Variants in NLRP6 observed in about 807,000 individuals in gnomAD.
NLRP6 encodes NACHT, LRR and PYD domains-containing protein 6.
A neutral mutation model predicts 70.9 loss-of-function variants in NLRP6; 55 were observed. The observed-to-expected ratio is 0.78, with a 90% CI of 0.62 to 0.97. The LOEUF (loss-of-function observed/expected upper bound fraction) is 0.97, where lower values mean the gene tolerates loss of function less well. Among genes scored for constraint, NLRP6 ranks in the 50% least tolerant of loss-of-function variants. NLRP6 has a pLI of 0.00. For synonymous variants in NLRP6, 652 were observed against 581.9 expected (o/e 1.12, Z -1.73); for missense variants, 1,241 against 1,238.3 (o/e 1.00, Z -0.03).
chr11:279,348 G>A lies in NLRP6; in HGVS notation c.51G>A (p.Val17=). The A allele has an allele frequency of 7.7e-7, 1 of 1,290,954 alleles. No individual in the cohort carries two copies. The highest frequency in any genetic ancestry group is 9.8e-7 in the Non-Finnish European group (1 of 1,018,910). The allele number at this position is 1,290,954 out of a possible 1,614,324, so 80.0% of individuals were successfully genotyped here. The change falls in exon 2 of 8, where the codon GTG becomes GTA. Residue 17 remains valine (V), a synonymous_variant. Transcript: ENST00000534750. ...PCSSTGPRLA[V]ARELLLAALE... ...CCAGCACGGGGCCGCGCCTCGCGGTGGCCCGCGAGCTGCTCCTGGCTGCGC... is the reference window on the plus strand; with the variant it reads ...CCAGCACGGGGCCGCGCCTCGCGGTAGCCCGCGAGCTGCTCCTGGCTGCGC...
In NLRP6 at chr11:279,835, G is replaced by A; in HGVS notation, c.312G>A (p.Arg104=). ...AAQLQERRLQ[R]LGLGSGTLLS... ...ACCTCACCCCAGTTTCCCTTCCAGG[G>A]CTCGGGCTCGGCTCCGGGACGCTGC... The change falls in exon 3 of 8, where the codon CGG becomes CGA. Residue 104 remains arginine (R), a splice_region_variant and synonymous_variant. Coordinates refer to ENST00000534750, the MANE Select transcript of NLRP6 (RefSeq NM_001276700.2). The A allele has an allele frequency of 1.9e-6, 3 of 1,576,562 alleles. No individual in the cohort carries two copies. In the South Asian group the frequency reaches 3.5e-5, roughly 18 times the overall value.
At position 280,353 on chromosome 11, in the gene NLRP6, G is replaced by T; in HGVS notation, c.619G>T (p.Gly207Cys). 6.5e-7 allele frequency: 1 copy of T among 1,530,818 alleles called. No homozygotes were observed. Among genetic ancestry groups the T allele is most frequent in the Non-Finnish European group, 8.8e-7 (1 of 1,142,076 alleles). The allele number at this position is 1,530,818 out of a possible 1,614,324, so 94.8% of individuals were successfully genotyped here. The change falls in exon 4 of 8, where the codon GGC (glycine) becomes TGC (cysteine). Residue 207 changes from glycine to cysteine, a missense_variant. Coordinates refer to ENST00000534750, the MANE Select transcript of NLRP6 (RefSeq NM_001276700.2). ...GGTGCTGCAGGGCCCGGCGGGCATC[G>T]GCAAGACCATGGCGGCCAAAAAGAT... Reference protein sequence around the residue: ...TVVLQGPAGIGKTMAAKKILY... With the variant: ...TVVLQGPAGICKTMAAKKILY...
Position 281,492 on chromosome 11 carries a change from C to A in NLRP6, c.1758C>A (p.Cys586Ter). 5.6e-6 allele frequency: 9 copies of A among 1,597,624 alleles called. No homozygotes were observed. Among genetic ancestry groups the A allele is most frequent in the South Asian group, 1.1e-5 (1 of 88,734 alleles). Residue 586 changes from cysteine (C) to a stop codon, truncating the protein, a stop_gained, in exon 4 of 8, where the codon TGC becomes TGA. Coordinates refer to ENST00000534750, the MANE Select transcript of NLRP6 (RefSeq NM_001276700.2). LOFTEE classifies it high-confidence loss of function. ...GGGTGCAGGGACAGGGACAGGGCTGCCCCGGAGTGGCACCAGAGGTGACCG... is the reference window on the plus strand; with the variant it reads ...GGGTGCAGGGACAGGGACAGGGCTGACCCGGAGTGGCACCAGAGGTGACCG... ...LRWVQGQGQG[C>*]PGVAPEVTEG... is the part of the protein sequence containing the mutation.
Position 285,274 on chromosome 11 carries a change from A to G in NLRP6, c.2646A>G (p.Gln882=), listed in dbSNP as rs370147301. 5.0e-6 allele frequency: 8 copies of G among 1,608,772 alleles called. No individual in the cohort carries two copies. In the African/African-American group the frequency reaches 6.7e-5, roughly 13 times the overall value. Reference sequence around the variant, plus strand: ...ACCCAGCGCTGGACGGCCACCCACAACCTCCCAAGGAACTCATCTCGACCT... The same window carrying G: ...ACCCAGCGCTGGACGGCCACCCACAGCCTCCCAAGGAACTCATCTCGACCT... The part of the protein sequence containing the change: ...ITHPALDGHP[Q]PPKELISTF The change falls in exon 8 of 8, where the codon CAA becomes CAG. Residue 882 remains glutamine, a synonymous_variant. Coordinates refer to ENST00000534750, the MANE Select transcript of NLRP6 (RefSeq NM_001276700.2).
At position 280,140 on chromosome 11, in the gene NLRP6, A is replaced by C; in HGVS notation, c.406A>C (p.Arg136=). 1 of 1,548,610 alleles carries C rather than the reference A, an allele frequency of 6.5e-7. No homozygotes were observed. ...VLQLHARVKE[R]NARSVKITKR... ...GCAGCTGCACGCTCGGGTGAAGGAGAGGAACGCCCGCTCCGTGAAGATCAC... is the reference window on the plus strand; with the variant it reads ...GCAGCTGCACGCTCGGGTGAAGGAGCGGAACGCCCGCTCCGTGAAGATCAC... Residue 136 remains arginine (R), a synonymous_variant, in exon 4 of 8, where the codon AGG becomes CGG. Transcript: ENST00000534750.
Position 280,649 on chromosome 11 carries a change from G to C in NLRP6, c.915G>C (p.Ala305=). The change falls in exon 4 of 8, where the codon GCG becomes GCC. Residue 305 remains alanine (A), a synonymous_variant. Coordinates refer to ENST00000534750, the MANE Select transcript of NLRP6 (RefSeq NM_001276700.2). Reference sequence around the variant, plus strand: ...ACCCCTTCGAGGCGGCGAGCGGCGCGCGGGTGCTAGGCGGGCTGCTGAGCA... The same window carrying C: ...ACCCCTTCGAGGCGGCGAGCGGCGCCCGGGTGCTAGGCGGGCTGCTGAGCA... ...CTDPFEAASG[A]RVLGGLLSKA... 6.6e-7 allele frequency: 1 copy of C among 1,513,494 alleles called. No individual in the cohort carries two copies. Among genetic ancestry groups the C allele is most frequent in the Non-Finnish European group, 8.8e-7 (1 of 1,139,146 alleles). The allele number at this position is 1,513,494 out of a possible 1,614,324, so 93.8% of individuals were successfully genotyped here. A position where few individuals can be genotyped will look rare whatever the true frequency, so the allele number is the denominator to read the frequency against.
chr11:279,076 C>A, intron 1 of NLRP6: 1 of 379,098 alleles, frequency 2.6e-6, no homozygotes, highest in Non-Finnish European at 4.7e-6. Context: ...AGATCAGCGG[C>A]GGCCAGTGCC....
At chr11:284,434 C>T in intron 6 of NLRP6, 34 bp downstream of exon 6, 5 of 1,602,146 alleles carry the variant, frequency 3.1e-6, no homozygotes, top group Non-Finnish European at 4.3e-6. Flanking sequence ...CGTGGGATGC[C>T]CCCGCCACCC....
In NLRP6 at chr11:281,199, C is replaced by T; in HGVS notation, c.1465C>T (p.Leu489=). Residue 489 remains leucine (L), a synonymous_variant, in exon 4 of 8, where the codon CTG becomes TTG. Transcript: ENST00000534750. ...CAGCAAAAAGGAGCTGCCGGGCGTG[C>T]TGGAGACAGAGGTCACCTACCAGTT... ...FLSKKELPGV[L]ETEVTYQFID... 1 of 1,613,222 alleles carries T rather than the reference C, an allele frequency of 6.2e-7. No individual in the cohort carries two copies.
rs545729251 is a variant in NLRP6, at chr11:285,208, T to C, written c.2580T>C (p.Leu860=). 108 of 1,598,604 alleles carry C rather than the reference T, an allele frequency of 6.8e-5. No homozygotes were observed. Among genetic ancestry groups the C allele is most frequent in the Non-Finnish European group, 8.6e-5 (101 of 1,172,060 alleles). ...TGAGCGAGCAGTCACTACAGGAGCT[T>C]CAGGCTGTGAAGAGAGCAAAGCCGG... ...VELSEQSLQE[L]QAVKRAKPDL... Residue 860 remains leucine (L), a synonymous_variant, in exon 8 of 8, where the codon CTT becomes CTC. Transcript: ENST00000534750.
At position 280,706 on chromosome 11, in the gene NLRP6, G is replaced by C; in HGVS notation, c.972G>C (p.Val324=). Residue 324 remains valine (V), a synonymous_variant, in exon 4 of 8, where the codon GTG becomes GTC. Transcript: ENST00000534750. ...KALLPTALLL[V]TTRAAAPGRL... ...TGCTGCCCACGGCCCTCCTGCTGGT[G>C]ACCACGCGCGCCGCCGCCCCCGGGA... 1 of 1,571,520 alleles carries C rather than the reference G, an allele frequency of 6.4e-7. No individual in the cohort carries two copies. The highest frequency in any genetic ancestry group is 8.6e-7 in the Non-Finnish European group (1 of 1,161,108).
In NLRP6 at chr11:284,291, G is replaced by A; in HGVS notation, c.2260G>A (p.Ala754Thr). 2.5e-6 allele frequency: 4 copies of A among 1,612,702 alleles called. No homozygotes were observed. The highest frequency in any genetic ancestry group is 2.2e-5 in the South Asian group (2 of 91,082). Residue 754 changes from alanine (A) to threonine (T), a missense_variant, in exon 6 of 8, where the codon GCC becomes ACC. Transcript: ENST00000534750. ...AGACCTTTCTGAGGCCCTGAGGGCA[G>A]CCCCCGCACTGACGGAGCTGGGCCT... ...CRDLSEALRA[A>T]PALTELGLLH...
intron 5 of NLRP6, among the ~76,000 whole-genome samples, chr11:283,535 G>A (rs1012239057): frequency 1.3e-5 from 2 of 151,988 alleles, no homozygotes; most frequent in East Asian, 3.9e-4. Context: ...GGATAGTCTC[G>A]ATCTCCTGAC....
chr11:281,784 G>GAGAAGA lies in NLRP6; in HGVS notation c.2060_2065dup (p.Lys687_Lys688dup), dbSNP rs199476226. On this transcript the variant is annotated inframe_insertion, in exon 4 of 8. Coordinates refer to ENST00000534750, the MANE Select transcript of NLRP6 (RefSeq NM_001276700.2). ...CAGCTGCAGATTGGTTGCTGCGCAG[G>GAGAAGA]AGAAGAAGAAGAAGAGCCTGGGGAA... 1.4e-5 allele frequency: 23 copies of GAGAAGA among 1,604,274 alleles called. No individual in the cohort carries two copies. Among genetic ancestry groups the GAGAAGA allele is most frequent in the Non-Finnish European group, 1.7e-5 (20 of 1,177,814 alleles).
chr11:280,877 G>C lies in NLRP6; in HGVS notation c.1143G>C (p.Leu381=). 1 of 1,613,470 alleles carries C rather than the reference G, an allele frequency of 6.2e-7. No homozygotes were observed. ...AYRFVKENET[L]FALCFVPFVC... ...GCTTCGTGAAGGAGAACGAGACGCT[G>C]TTCGCGCTGTGCTTCGTGCCCTTCG... The change falls in exon 4 of 8, where the codon CTG becomes CTC. Residue 381 remains leucine, a synonymous_variant. Coordinates refer to ENST00000534750, the MANE Select transcript of NLRP6 (RefSeq NM_001276700.2).
chr11:278,650 T>C lies in NLRP6; in HGVS notation c.29+52T>C. 6.8e-7 allele frequency: 1 copy of C among 1,472,288 alleles called. No individual in the cohort carries two copies. The highest frequency in any genetic ancestry group is 1.3e-5 in the South Asian group (1 of 79,652). The allele number at this position is 1,472,288 out of a possible 1,614,324, so 91.2% of individuals were successfully genotyped here. ...TGGGAACCGGCTGGTCTCAGCCCTCTGGGGCCTCCACCTCACCCGCTGACT... is the reference window on the plus strand; with the variant it reads ...TGGGAACCGGCTGGTCTCAGCCCTCCGGGGCCTCCACCTCACCCGCTGACT... On this transcript the variant is annotated intron_variant, in intron 1 of 7. Coordinates refer to ENST00000534750, the MANE Select transcript of NLRP6 (RefSeq NM_001276700.2). The surrounding 1 kb of genome is among the most constrained non-coding windows in gnomAD (Gnocchi z 4.7).
At chr11:284,149 G>A (rs1264126517) in intron 5 of NLRP6, 81 bp from the exon 6 acceptor site, 2 of 1,307,622 alleles carry the variant, frequency 1.5e-6, no homozygotes, top group African/African-American at 2.9e-5. Flanking sequence ...TGGGCCACCG[G>A]GCAGCGGGCA....
rs1845449768 is a variant in NLRP6, at chr11:280,259, G to A, written c.525G>A (p.Arg175=). 1 of 1,524,012 alleles carries A rather than the reference G, an allele frequency of 6.6e-7. No homozygotes were observed. The highest frequency in any genetic ancestry group is 8.8e-7 in the Non-Finnish European group (1 of 1,137,276). 94.4% of individuals were successfully genotyped at this position (1,524,012 alleles called of 1,614,324 possible). ...PAEEPEPGRA[R]RSDTHTFNRL... is the part of the protein sequence containing the mutation. ...AAGAGCCTGAGCCGGGGCGCGCGCG[G>A]CGCTCGGACACGCACACTTTCAACC... The change falls in exon 4 of 8, where the codon CGG becomes CGA. Residue 175 remains arginine (R), a synonymous_variant. Transcript: ENST00000534750.
chr11:279,623 G>C lies in NLRP6; in HGVS notation c.310+16G>C. ...CGGCTGCAGCGTGAGTTCTGCGCGG[G>C]AGGTCCCTCCTGTCTGGGCAGAGGC... On this transcript the variant is annotated intron_variant, in intron 2 of 7. Transcript: ENST00000534750. The C allele has an allele frequency of 7.2e-7, 1 of 1,392,408 alleles. No individual in the cohort carries two copies. The highest frequency in any genetic ancestry group is 1.6e-5 in the South Asian group (1 of 63,190). The allele number at this position is 1,392,408 out of a possible 1,614,324, so 86.3% of individuals were successfully genotyped here.
Sources: gnomAD v4.1 joint callset for allele counts (sites outside exome capture counted in the v4.1 genomes callset) on GRCh38, gnomAD v4.1.1 for gene constraint, Gnocchi (gnomAD v3.1) non-coding constraint, MANE v1.5 for transcripts, NCBI Gene and HGNC (gene_info 2026-07-23, HGNC 2026-07-21) for gene names.